Variants in TRMT11 observed in about 807,000 individuals in gnomAD.
TRMT11 encodes the protein tRNA (guanine(10)-N(2))-methyltransferase TRMT11.
Under a neutral mutation model 62.8 loss-of-function variants are expected in TRMT11, and 53 were observed. The ratio of observed to expected loss-of-function variants is 0.84; its 90% CI spans 0.68 to 1.06. The LOEUF (loss-of-function observed/expected upper bound fraction) is 1.06. Ranked by LOEUF, TRMT11 falls within the 50% of genes least tolerant of loss-of-function variation. The pLI is 0.00. For synonymous variants in TRMT11, 188 were observed against 190.3 expected (o/e 0.99, Z 0.10); for missense variants, 556 against 553.4 (o/e 1.00, Z -0.05).
At chr6:126,166,637 C>G (rs778760707) in intron 21 of TRMT11, among the ~76,000 whole-genome samples, 8 of 152,354 alleles carry the variant, frequency 5.3e-5, no homozygotes, top group Non-Finnish European at 1.2e-4. Flanking sequence ...AGCTCGAGCG[C>G]TATGCTGGGA....
At chr6:126,116,361 A>G (rs1777587072) in intron 21 of TRMT11, among the ~76,000 whole-genome samples, 1 of 152,110 alleles carries the variant, frequency 6.6e-6, no homozygotes, top group Non-Finnish European at 1.5e-5. Flanking sequence ...GGTCTGTCTT[A>G]GCTGAGAGAC....
chr6:126,062,861 A>G (rs1776576441), intron 17 of TRMT11, among the ~76,000 whole-genome samples: 1 of 152,222 alleles, frequency 6.6e-6, no homozygotes, highest in Non-Finnish European at 1.5e-5. Flanking sequence ...AAATTGAATC[A>G]AGCCTCAAGA....
At chr6:126,004,815 A>T (rs1793108576) in intron 7 of TRMT11, among the ~76,000 whole-genome samples, 1 of 152,064 alleles carries the variant, frequency 6.6e-6, no homozygotes, top group African/African-American at 2.4e-5. Flanking sequence ...GTAGGGTAGA[A>T]AGCTTCTGGG....
intron 18 of TRMT11, among the ~76,000 whole-genome samples, chr6:126,114,701 C>T (rs771847099): frequency 1.3e-5 from 2 of 151,980 alleles, no homozygotes; most frequent in Non-Finnish European, 2.9e-5. Context: ...TTGCTTTTTT[C>T]TAGGGCCTAC....
the TRMT11 span, among the ~76,000 whole-genome samples, chr6:126,264,165 C>G: frequency 6.6e-6 from 1 of 152,120 alleles, no homozygotes; most frequent in African/African-American, 2.4e-5. Context: ...AGATATAGTC[C>G]ATTGTAAGCA....
intron 17 of TRMT11, among the ~76,000 whole-genome samples, chr6:126,094,851 C>G (rs1327006381): frequency 6.6e-6 from 1 of 152,176 alleles, no homozygotes; most frequent in African/African-American, 2.4e-5. Context: ...TGTGTTAACT[C>G]TACCAACACA....
chr6:125,991,971 A>G (rs1207672730), intron 1 of TRMT11, among the ~76,000 whole-genome samples: 1 of 152,212 alleles, frequency 6.6e-6, no homozygotes, highest in Non-Finnish European at 1.5e-5. Context: ...CGCATCACAC[A>G]TGCCCCAGAT....
chr6:126,211,178 C>T, the TRMT11 span, among the ~76,000 whole-genome samples: 1,140 of 152,222 alleles, frequency 7.5e-3, 12 homozygotes, highest in Middle Eastern at 0.017. Flanking sequence ...GTTACACTGT[C>T]TGGTCCTTAG....
chr6:126,221,866 T>C, the TRMT11 span, among the ~76,000 whole-genome samples: 1 of 152,228 alleles, frequency 6.6e-6, no homozygotes, highest in Non-Finnish European at 1.5e-5. Context: ...TTTGTAGCCT[T>C]CTTCATGAAA....
At chr6:126,004,583 A>G (rs972215730) in intron 7 of TRMT11, among the ~76,000 whole-genome samples, 2 of 152,018 alleles carry the variant, frequency 1.3e-5, no homozygotes, top group Non-Finnish European at 2.9e-5. Flanking sequence ...CTTCTGAAGG[A>G]CTGGAGAAAT....
intron 17 of TRMT11, among the ~76,000 whole-genome samples, chr6:126,100,860 T>C (rs1777391450): frequency 6.6e-6 from 1 of 152,104 alleles, no homozygotes. Context: ...TCAGCTTGTT[T>C]TTCTGCAACT....
intron 11 of TRMT11, among the ~76,000 whole-genome samples, chr6:126,017,302 A>ATTATT (rs1795128610): frequency 6.6e-6 from 1 of 152,200 alleles, no homozygotes; most frequent in Non-Finnish European, 1.5e-5. Flanking sequence ...AAGTTCAGGT[A>ATTATT]TTATTTTAAC....
the TRMT11 span, among the ~76,000 whole-genome samples, chr6:126,225,909 C>T: frequency 3.3e-5 from 5 of 151,922 alleles, no homozygotes; most frequent in African/African-American, 2.4e-5. Flanking sequence ...AGAGTACTCA[C>T]GAACTACTGA....
chr6:126,134,340 G>A (rs947355205), intron 21 of TRMT11, among the ~76,000 whole-genome samples: 2 of 151,760 alleles, frequency 1.3e-5, no homozygotes, highest in Non-Finnish European at 2.9e-5. Context: ...AAAAAGAACA[G>A]GAGTGTCTAT....
intron 12 of TRMT11, among the ~76,000 whole-genome samples, chr6:126,036,201 G>A (rs1775159477): frequency 6.6e-6 from 1 of 152,108 alleles, no homozygotes; most frequent in Non-Finnish European, 1.5e-5. Flanking sequence ...GATTCCCCTT[G>A]TACAGAGGAA....
chr6:126,110,714 A>G (rs1455507292), intron 17 of TRMT11, among the ~76,000 whole-genome samples: 1 of 152,126 alleles, frequency 6.6e-6, no homozygotes, highest in Non-Finnish European at 1.5e-5. Context: ...ACACGTGCAT[A>G]CAAAGCTGTT....
At chr6:126,100,368 A>G (rs1033214529) in intron 17 of TRMT11, among the ~76,000 whole-genome samples, 2 of 152,200 alleles carry the variant, frequency 1.3e-5, no homozygotes, top group African/African-American at 4.8e-5. Context: ...TAGCTTAGGC[A>G]GTCTCATTTC....
chr6:126,193,488 G>GTTTTTTT (rs1778627491), intron 1 of TRMT11, among the ~76,000 whole-genome samples: 34 of 118,116 alleles, frequency 2.9e-4, no homozygotes, highest in African/African-American at 1.2e-3. Flanking sequence ...GAGCGTTTCT[G>GTTTTTTT]TATTTTTTTT....
chr6:125,993,644 A>G, intron 1 of TRMT11, 113 bp from the exon 2 acceptor site: 2 of 536,088 alleles, frequency 3.7e-6, no homozygotes, highest in Non-Finnish European at 3.3e-6. Context: ...TAAATGCCTC[A>G]GTTAGATCTT....
Sources: gnomAD v4.1 joint callset for allele counts (sites outside exome capture counted in the v4.1 genomes callset) on GRCh38, gnomAD v4.1.1 for gene constraint, MANE v1.5 for transcripts, NCBI Gene and HGNC (gene_info 2026-07-23, HGNC 2026-07-21) for gene names.